The following IGSF5 variants were observed in gnomAD, a reference collection of about 807,000 sequenced individuals.
The protein encoded by IGSF5 is immunoglobulin superfamily 5 like.
Under a neutral mutation model 39.4 loss-of-function variants are expected in IGSF5, and 41 were observed. The observed-to-expected ratio is 1.04, with a 90% CI of 0.81 to 1.35. IGSF5 has a LOEUF of 1.35. Ranked by LOEUF, IGSF5 falls within the 40% of genes most tolerant of loss-of-function variation. The pLI is 0.00. For missense variants in IGSF5, 487 were observed against 494.6 expected (o/e 0.98, Z 0.15); for synonymous variants, 183 against 175.3 (o/e 1.04, Z -0.34).
At chr21:39,751,625 G>C (rs8129939) in intron 2 of IGSF5, among the ~76,000 whole-genome samples, 16,272 of 150,518 alleles carry the variant, frequency 0.11, 2,889 homozygotes, top group African/African-American at 0.37. Flanking sequence ...GATGGGCTGG[G>C]GGGGGTGGGG....
chr21:39,738,202 G>A, the IGSF5 span, among the ~76,000 whole-genome samples: 1 of 152,130 alleles, frequency 6.6e-6, no homozygotes, highest in Non-Finnish European at 1.5e-5. This position sits in a 1 kb window ranked among gnomAD's most constrained non-coding sequence, Gnocchi z 6.4. Flanking sequence ...GGGGGCTGGG[G>A]AGGCCTCATA....
Position 39,793,586 on chromosome 21 carries a change from A to G in IGSF5, c.1101A>G (p.Arg367=). 1.2e-6 allele frequency: 2 copies of G among 1,614,064 alleles called. No homozygotes were observed. Among genetic ancestry groups the G allele is most frequent in the Non-Finnish European group, 1.7e-6 (2 of 1,179,936 alleles). ...KSCESSDPEQ[R]NSSCGPPHQR... is the part of the protein sequence containing the mutation. Reference sequence around the variant, plus strand: ...GTGAATCCAGTGATCCTGAACAAAGAAACAGTAGCTGTGGCCCTCCTCACC... The same window carrying G: ...GTGAATCCAGTGATCCTGAACAAAGGAACAGTAGCTGTGGCCCTCCTCACC... Residue 367 remains arginine, a synonymous_variant, in exon 8 of 9, where the codon AGA becomes AGG. Transcript: ENST00000380588.
chr21:39,731,782 C>A, the IGSF5 span, among the ~76,000 whole-genome samples: 1 of 152,266 alleles, frequency 6.6e-6, no homozygotes, highest in Admixed American at 6.5e-5. Flanking sequence ...TTATGAGACC[C>A]TACCTAAGAA....
intron 2 of IGSF5, among the ~76,000 whole-genome samples, chr21:39,760,297 G>T (rs940370476): frequency 4.6e-5 from 7 of 152,124 alleles, no homozygotes; most frequent in Non-Finnish European, 5.9e-5. Context: ...AGCAAAACCA[G>T]GCATTGTTCT....
intron 5 of IGSF5, among the ~76,000 whole-genome samples, chr21:39,786,750 C>T (rs1369516705): frequency 2.0e-5 from 3 of 152,210 alleles, no homozygotes; most frequent in Admixed American, 6.5e-5. Flanking sequence ...AAATGTGGCA[C>T]ATATTCACCA....
the IGSF5 span, among the ~76,000 whole-genome samples, chr21:39,731,308 G>A: frequency 6.6e-6 from 1 of 152,182 alleles, no homozygotes; most frequent in African/African-American, 2.4e-5. Flanking sequence ...CTATTAAGAG[G>A]TCTAAGTCCC....
rs140176905 is a variant in IGSF5 at position 39,787,090 on chromosome 21, C to T, written c.935-1077C>T. Among the ~76,000 whole-genome samples, 907 of 151,734 alleles carry T rather than the reference C, an allele frequency of 6.0e-3. 2 individuals carry two copies. The highest frequency in any genetic ancestry group is 0.01 in the Non-Finnish European group (689 of 67,942). On this transcript the variant is annotated intron_variant, in intron 5 of 8. Coordinates refer to ENST00000380588, the MANE Select transcript of IGSF5 (RefSeq NM_001080444.2). The stretch of plus-strand genomic sequence containing the variant: ...AACCTGCACATTGTGCACATGTACC[C>T]GAAAACTTAAAGTATTAAAAAAAAA...
At chr21:39,789,409 C>T (rs557103422) in intron 6 of IGSF5, among the ~76,000 whole-genome samples, 14 of 152,188 alleles carry the variant, frequency 9.2e-5, no homozygotes, top group South Asian at 4.2e-4. Context: ...GTGAACTGGA[C>T]GGGCCCACCT....
intron 1 of IGSF5, among the ~76,000 whole-genome samples, 171 bp downstream of exon 1, chr21:39,745,697 C>A (rs1006962646): frequency 6.6e-6 from 1 of 152,184 alleles, no homozygotes; most frequent in South Asian, 2.1e-4. Flanking sequence ...ATGTCCCCAA[C>A]AACCCCAGAA....
At chr21:39,744,346 C>T (rs2079961766), upstream of IGSF5, among the ~76,000 whole-genome samples, 1 of 152,222 alleles carries the variant, frequency 6.6e-6, no homozygotes, top group Non-Finnish European at 1.5e-5. Flanking sequence ...AAATTCGTTT[C>T]AGAGAGGGTG....
intron 5 of IGSF5, among the ~76,000 whole-genome samples, 199 bp downstream of exon 5, chr21:39,779,504 A>C (rs927497104): frequency 3.9e-5 from 6 of 152,222 alleles, no homozygotes; most frequent in African/African-American, 9.6e-5. Context: ...AGGTTCCCCC[A>C]AAAATTAAAA....
chr21:39,786,676 T>G (rs376756523), intron 5 of IGSF5, among the ~76,000 whole-genome samples: 1 of 151,978 alleles, frequency 6.6e-6, no homozygotes, highest in South Asian at 2.1e-4. Flanking sequence ...TATTGTGGCA[T>G]TATTCACAAT....
the IGSF5 span, among the ~76,000 whole-genome samples, chr21:39,719,545 G>A: frequency 6.6e-6 from 1 of 151,974 alleles, no homozygotes; most frequent in African/African-American, 2.4e-5. Context: ...CGTGGTGGCA[G>A]GTTCTCTTCC....
At position 39,770,868 on chromosome 21, in the gene IGSF5, G is replaced by C. The variant is rs771480413; in HGVS notation, c.419-48G>C. ...AAAAAAAAAAAGAAAACTTAGAAGC[G>C]AGAGGCATGGTCATGTCTTCAATGT... On this transcript the variant is annotated intron_variant, in intron 3 of 8. Transcript: ENST00000380588. 2.4e-6 allele frequency: 3 copies of C among 1,227,882 alleles called. No individual in the cohort carries two copies. The South Asian group carries it at 8.3e-5, about 34-fold the overall frequency. 76.1% of individuals were successfully genotyped at this position (1,227,882 alleles called of 1,614,324 possible).
chr21:39,718,860 T>A, the IGSF5 span, among the ~76,000 whole-genome samples: 1 of 152,194 alleles, frequency 6.6e-6, no homozygotes, highest in Non-Finnish European at 1.5e-5. Context: ...GATGCTGGCC[T>A]CATAGAATGA....
chr21:39,723,969 A>G, the IGSF5 span, among the ~76,000 whole-genome samples: 1 of 152,074 alleles, frequency 6.6e-6, no homozygotes, highest in Non-Finnish European at 1.5e-5. Flanking sequence ...TAACATGGTG[A>G]AGCCACATCT....
At chr21:39,756,890 G>A (rs1403550038) in intron 2 of IGSF5, among the ~76,000 whole-genome samples, 3 of 151,982 alleles carry the variant, frequency 2.0e-5, no homozygotes, top group Admixed American at 2.0e-4. Context: ...GGAACAAGAG[G>A]TATACATGGC....
chr21:39,776,311 A>G (rs997212109), intron 4 of IGSF5, among the ~76,000 whole-genome samples: 1 of 152,054 alleles, frequency 6.6e-6, no homozygotes, highest in African/African-American at 2.4e-5. Context: ...GCTGACTCGT[A>G]CACTACACTT....
the IGSF5 span, among the ~76,000 whole-genome samples, chr21:39,728,961 A>G: frequency 6.6e-6 from 1 of 152,152 alleles, no homozygotes. Flanking sequence ...CCAAATCTAC[A>G]TTCTTTCTAA....
Sources: gnomAD v4.1 joint callset for allele counts (sites outside exome capture counted in the v4.1 genomes callset) on GRCh38, gnomAD v4.1.1 for gene constraint, Gnocchi (gnomAD v3.1) non-coding constraint, MANE v1.5 for transcripts, NCBI Gene and HGNC (gene_info 2026-07-23, HGNC 2026-07-21) for gene names.